Variants in DRAXIN observed in about 807,000 individuals in gnomAD.
DRAXIN encodes the protein dorsal inhibitory axon guidance protein, also known as dorsal repulsive axon guidance protein.
DRAXIN carries 27 observed loss-of-function variants against 33.9 expected under a neutral mutation model. The observed-to-expected ratio is 0.80, with a 90% CI of 0.59 to 1.10. The LOEUF (loss-of-function observed/expected upper bound fraction) is 1.10, where lower values mean the gene tolerates loss of function less well. Among genes scored for constraint, DRAXIN ranks in the 50% least tolerant of loss-of-function variants. The pLI, the probability that DRAXIN is intolerant of heterozygous loss-of-function variation, is 0.00. For missense variants in DRAXIN, 371 were observed against 460.8 expected (o/e 0.81, Z 1.78); for synonymous variants, 178 against 194.0 (o/e 0.92, Z 0.69).
chr1:11,703,352 G>A (rs1439658876), intron 1 of DRAXIN, among the ~76,000 whole-genome samples: 2 of 152,202 alleles, frequency 1.3e-5, no homozygotes, highest in Non-Finnish European at 2.9e-5. Context: ...GGCAGGACGT[G>A]GACGGAGAGA....
At chr1:11,714,943 C>T (rs558819256) in intron 5 of DRAXIN, among the ~76,000 whole-genome samples, 176 bp from the exon 6 acceptor site, 13 of 152,238 alleles carry the variant, frequency 8.5e-5, no homozygotes, top group Non-Finnish European at 1.8e-4. Context: ...TTGGGGGCCT[C>T]GGCCATGACA....
At chr1:11,695,556 T>A (rs1641177312) in intron 1 of DRAXIN, among the ~76,000 whole-genome samples, 1 of 150,904 alleles carries the variant, frequency 6.6e-6, no homozygotes, top group African/African-American at 2.4e-5. Flanking sequence ...GAGCTGAGAT[T>A]GCACCACTGC....
intron 1 of DRAXIN, among the ~76,000 whole-genome samples, chr1:11,695,326 C>G (rs1204253990): frequency 6.6e-6 from 1 of 152,110 alleles, no homozygotes; most frequent in Non-Finnish European, 1.5e-5. Flanking sequence ...TGCCTATAAT[C>G]CCAGCACTTT....
intron 1 of DRAXIN, among the ~76,000 whole-genome samples, chr1:11,693,618 C>T (rs542525912): frequency 5.3e-5 from 8 of 152,186 alleles, no homozygotes; most frequent in African/African-American, 1.7e-4. Flanking sequence ...GAGGCAAGAA[C>T]GGCTGGATAT....
chr1:11,707,794 G>A (rs1031189112), intron 2 of DRAXIN, among the ~76,000 whole-genome samples: 4 of 151,930 alleles, frequency 2.6e-5, no homozygotes, highest in Non-Finnish European at 4.4e-5. Context: ...CCCCCTCCCC[G>A]TGCCCATTCA....
In DRAXIN at chr1:11,721,111, G is replaced by T. The variant is rs1467383334; in HGVS notation, c.*1415G>T. 6.6e-6 allele frequency: 1 copy of T among 152,158 alleles called. No individual in the cohort carries two copies. Among genetic ancestry groups the T allele is most frequent in the African/African-American group, 2.4e-5 (1 of 41,412 alleles). The allele number at this position is 152,158 out of a possible 1,614,324, so 9.4% of individuals were successfully genotyped here. A position where few individuals can be genotyped will look rare whatever the true frequency, so the allele number is the denominator to read the frequency against. On this transcript the variant is annotated 3_prime_UTR_variant, in exon 7 of 7. Coordinates refer to ENST00000294485, the MANE Select transcript of DRAXIN (RefSeq NM_198545.4). The stretch of plus-strand genomic sequence containing the variant: ...TTTCTGGAGCACTTCCCCCCCAGGG[G>T]TTCTGATGCAAGCATGGAATCCAAA...
intron 1 of DRAXIN, among the ~76,000 whole-genome samples, chr1:11,702,442 TAC>T (rs1452084675): frequency 6.7e-6 from 1 of 148,574 alleles, no homozygotes; most frequent in Non-Finnish European, 1.5e-5. Flanking sequence ...CTAACACTCC[TAC>T]ACACTCACAA....
At chr1:11,715,965 G>A (rs573667854) in intron 6 of DRAXIN, among the ~76,000 whole-genome samples, 12 of 152,260 alleles carry the variant, frequency 7.9e-5, no homozygotes, top group Admixed American at 2.6e-4. Context: ...TGCTTCCCAG[G>A]CTTAGGTGAT....
At chr1:11,693,148 T>C (rs1641113674) in intron 1 of DRAXIN, among the ~76,000 whole-genome samples, 1 of 151,866 alleles carries the variant, frequency 6.6e-6, no homozygotes, top group African/African-American at 2.4e-5. Context: ...CTCTTCTCTT[T>C]CTCTCTCTCC....
At chr1:11,699,528 A>G (rs1010756383) in intron 1 of DRAXIN, among the ~76,000 whole-genome samples, 5 of 152,084 alleles carry the variant, frequency 3.3e-5, no homozygotes, top group African/African-American at 9.7e-5. Context: ...GGGACTTACT[A>G]TGTTGTCCAG....
At chr1:11,715,064 C>T in intron 5 of DRAXIN, 55 bp from the exon 6 acceptor site, 1 of 1,593,180 alleles carries the variant, frequency 6.3e-7, no homozygotes, top group Non-Finnish European at 8.6e-7. Flanking sequence ...GAGTGCAGGG[C>T]TGCGGGGAGG....
chr1:11,697,676 G>A (rs1404946803), intron 1 of DRAXIN, among the ~76,000 whole-genome samples: 2 of 152,150 alleles, frequency 1.3e-5, no homozygotes, highest in Non-Finnish European at 2.9e-5. Flanking sequence ...TGGCATCCTG[G>A]TTCTGCACAC....
chr1:11,707,035 A>T (rs1185901777), intron 2 of DRAXIN, among the ~76,000 whole-genome samples: 1 of 152,124 alleles, frequency 6.6e-6, no homozygotes, highest in Non-Finnish European at 1.5e-5. Flanking sequence ...CCCCGTCTCT[A>T]CTAAAAATAC....
rs555747838 is a variant in DRAXIN, at chr1:11,711,916, C to T, written c.708C>T (p.Thr236=). 39 of 1,613,900 alleles carry T rather than the reference C, an allele frequency of 2.4e-5. No homozygotes were observed. Among genetic ancestry groups the T allele is most frequent in the African/African-American group, 8.0e-5 (6 of 75,030 alleles). Residue 236 remains threonine, a synonymous_variant, in exon 4 of 7, where the codon ACC becomes ACT. Transcript: ENST00000294485. The stretch of plus-strand genomic sequence containing the variant: ...TGGACATGGCCTTGTTCGACTGGAC[C>T]GATTATGAAGACTTAAAACCTGATG... The part of the protein sequence containing the change: ...PTLDMALFDW[T]DYEDLKPDGW...
rs188078045 is a variant in DRAXIN, at chr1:11,703,546, G to A, written c.-10-2703G>A. Among the ~76,000 whole-genome samples the A allele has an allele frequency of 9.2e-5, 14 of 152,362 alleles. No individual in the cohort carries two copies. In the East Asian group the frequency reaches 2.5e-3, roughly 27 times the overall value. On this transcript the variant is annotated intron_variant, in intron 1 of 6. Coordinates refer to ENST00000294485, the MANE Select transcript of DRAXIN (RefSeq NM_198545.4). ...ATTACACAAGGTCTTCAGTGCCAAA[G>A]TAAGGAGTCTGTGGTTGCATGGGAA...
chr1:11,712,105 C>A, intron 4 of DRAXIN, 140 bp downstream of exon 4: 1 of 906,066 alleles, frequency 1.1e-6, no homozygotes. Context: ...GAGCATGGAG[C>A]CTAACCTGGA....
In DRAXIN at chr1:11,709,322, C is replaced by G. The variant is rs765178750; in HGVS notation, c.499C>G (p.Leu167Val). The G allele has an allele frequency of 1.9e-6, 3 of 1,613,760 alleles. No individual in the cohort carries two copies. The Admixed American group carries it at 5.0e-5, about 27-fold the overall frequency. The change falls in exon 3 of 7, where the codon CTC becomes GTC. Residue 167 changes from leucine to valine, a missense_variant. Transcript: ENST00000294485. ...GPSSLMKKAE[L>V]SEAQVLDAAM... Reference sequence around the variant, plus strand: ...CAGCTCCCTGATGAAGAAGGCAGAGCTCTCCGAAGCCCAGGTGCTGGATGC... The same window carrying G: ...CAGCTCCCTGATGAAGAAGGCAGAGGTCTCCGAAGCCCAGGTGCTGGATGC...
intron 6 of DRAXIN, 121 bp downstream of exon 6, chr1:11,715,329 G>T: frequency 8.3e-7 from 1 of 1,211,370 alleles, no homozygotes; most frequent in Non-Finnish European, 1.2e-6. Context: ...GTGGATCATG[G>T]GCCTGCGGCG....
Position 11,720,725 on chromosome 1 carries a change from T to C in DRAXIN, c.*1029T>C, listed in dbSNP as rs944638363. On this transcript the variant is annotated 3_prime_UTR_variant, in exon 7 of 7. Coordinates refer to ENST00000294485, the MANE Select transcript of DRAXIN (RefSeq NM_198545.4). ...GGAAGTACATGGCAGAGCAAGGACATGAACCTGGGCCAAGGCTGTCCAGCT... is the reference window on the plus strand; with the variant it reads ...GGAAGTACATGGCAGAGCAAGGACACGAACCTGGGCCAAGGCTGTCCAGCT... 5.3e-5 allele frequency: 8 copies of C among 151,690 alleles called. No homozygotes were observed. The highest frequency in any genetic ancestry group is 1.9e-4 in the African/African-American group (8 of 41,234). The allele number at this position is 151,690 out of a possible 1,614,324, so 9.4% of individuals were successfully genotyped here.
Sources: gnomAD v4.1 joint callset for allele counts (sites outside exome capture counted in the v4.1 genomes callset) on GRCh38, gnomAD v4.1.1 for gene constraint, MANE v1.5 for transcripts, NCBI Gene and HGNC (gene_info 2026-07-23, HGNC 2026-07-21) for gene names.